SCARB1: variants seen among roughly 807,000 people sequenced by gnomAD.
The protein encoded by SCARB1 is scavenger receptor class B member 1, also known as CD36 and LIMPII analogous 1.
In SCARB1, 30 loss-of-function variants were observed where a neutral mutation model predicts 57.2. The ratio of observed to expected loss-of-function variants is 0.52; its 90% CI spans 0.39 to 0.71. The LOEUF (loss-of-function observed/expected upper bound fraction) is 0.71. Ranked by LOEUF, SCARB1 falls within the 30% of genes least tolerant of loss-of-function variation. SCARB1 has a pLI of 0.00. For synonymous variants in SCARB1, 249 were observed against 268.3 expected (o/e 0.93, Z 0.70); for missense variants, 543 against 671.2 (o/e 0.81, Z 2.11).
intron 1 of SCARB1, among the ~76,000 whole-genome samples, chr12:124,846,385 A>G (rs1952154340): frequency 1.3e-5 from 2 of 152,166 alleles, no homozygotes; most frequent in South Asian, 4.1e-4. Flanking sequence ...ATTCAGGCAC[A>G]TGTCCCTTGC....
intron 1 of SCARB1, among the ~76,000 whole-genome samples, chr12:124,858,706 C>T (rs972570693): frequency 4.0e-5 from 6 of 151,882 alleles, no homozygotes; most frequent in Admixed American, 2.0e-4. Context: ...AGTGAAACCC[C>T]GTCTCCACTA....
intron 1 of SCARB1, among the ~76,000 whole-genome samples, chr12:124,837,458 GGAAA>G (rs750904329): frequency 0.048 from 2,842 of 59,814 alleles, 108 homozygotes; most frequent in Admixed American, 0.072. Flanking sequence ...AAAGAAAGAA[GGAAA>G]GAAAGAAAGA....
intron 4 of SCARB1, among the ~76,000 whole-genome samples, chr12:124,813,066 C>G (rs1950580070): frequency 6.6e-6 from 1 of 152,206 alleles, no homozygotes; most frequent in Non-Finnish European, 1.5e-5. Context: ...AGCCCAATCT[C>G]TCCTTACTCT....
chr12:124,842,789 T>C (rs1031273444), intron 1 of SCARB1, among the ~76,000 whole-genome samples: 41 of 152,314 alleles, frequency 2.7e-4, no homozygotes, highest in African/African-American at 9.9e-4. Context: ...CCCTGTCCTT[T>C]ACAAGGTCCT....
intron 8 of SCARB1, among the ~76,000 whole-genome samples, 159 bp from the exon 9 acceptor site, chr12:124,795,427 G>GT (rs1460738002): frequency 6.6e-6 from 1 of 152,106 alleles, no homozygotes; most frequent in Non-Finnish European, 1.5e-5. Flanking sequence ...AGGCTGGGGG[G>GT]GGTCAACAGT....
chr12:124,863,565 C>T, intron 1 of SCARB1, 30 bp downstream of exon 1: 1 of 1,592,686 alleles, frequency 6.3e-7, no homozygotes, highest in Non-Finnish European at 8.5e-7. Flanking sequence ...CGGGTCCGTG[C>T]GCGGACCCCC....
chr12:124,821,284 A>G, intron 1 of SCARB1: 5 of 621,726 alleles, frequency 8.0e-6, no homozygotes, highest in Non-Finnish European at 8.0e-6. Context: ...ACACACACAC[A>G]CGCAGCCTCA....
chr12:124,844,674 G>A (rs530261352), intron 1 of SCARB1, among the ~76,000 whole-genome samples: 8 of 152,264 alleles, frequency 5.3e-5, no homozygotes, highest in African/African-American at 1.9e-4. Flanking sequence ...AGAAGGTGGC[G>A]TCTATGAGGC....
chr12:124,826,692 T>C (rs1384331524), intron 1 of SCARB1, among the ~76,000 whole-genome samples: 2 of 151,950 alleles, frequency 1.3e-5, no homozygotes, highest in African/African-American at 2.4e-5. Context: ...ACTCCTGAGC[T>C]CAAGAGATCC....
At chr12:124,853,079 A>G (rs1222005047) in intron 1 of SCARB1, among the ~76,000 whole-genome samples, 2 of 152,178 alleles carry the variant, frequency 1.3e-5, no homozygotes, top group East Asian at 3.9e-4. Context: ...GGGGTGGGCA[A>G]TCACGGGGTG....
intron 9 of SCARB1, among the ~76,000 whole-genome samples, chr12:124,793,424 G>T (rs2135570380): frequency 0.013 from 2 of 160 alleles, no homozygotes; most frequent in South Asian, 0.25. Flanking sequence ...GCCGGGCGCG[G>T]TGCTCACGCC....
rs540708941 is a variant in SCARB1 at position 124,836,804 on chromosome 12, G to GAAATA, written c.127-19102_127-19098dup. On this transcript the variant is annotated intron_variant, in intron 1 of 12. Transcript: ENST00000261693. ...GCAAGACCCTGTCTCAAAATAAAAT[G>GAAATA]AAATAAAATAAAATAGAATAAAGCT... Among the ~76,000 whole-genome samples the GAAATA allele has an allele frequency of 3.3e-4, 50 of 152,234 alleles. No homozygotes were observed. The Middle Eastern group carries it at 0.01, about 31-fold the overall frequency.
chr12:124,819,706 C>T (rs1009199642), intron 1 of SCARB1, among the ~76,000 whole-genome samples: 4 of 152,256 alleles, frequency 2.6e-5, no homozygotes, highest in African/African-American at 7.2e-5. Flanking sequence ...TTGAACATGG[C>T]CTTCTAAGAC....
intron 1 of SCARB1, among the ~76,000 whole-genome samples, chr12:124,824,162 C>A (rs751679858): frequency 7.6e-6 from 1 of 131,880 alleles, no homozygotes; most frequent in African/African-American, 2.9e-5. Flanking sequence ...GGTAACAGAC[C>A]GAGATTTCAT....
chr12:124,777,251 G>A lies in SCARB1; in HGVS notation c.*1336C>T, dbSNP rs838881. Reference sequence around the variant, plus strand: ...TTCTCTTCTTCACCATTTATGTAACGAGCAGAAAGCAAAGGCCTAGAACAA... The same window carrying A: ...TTCTCTTCTTCACCATTTATGTAACAAGCAGAAAGCAAAGGCCTAGAACAA... On this transcript the variant is annotated 3_prime_UTR_variant, in exon 13 of 13. Coordinates refer to ENST00000261693, the MANE Select transcript of SCARB1 (RefSeq NM_005505.5). 91,567 of 151,838 alleles carry A rather than the reference G, an allele frequency of 0.6. 29,347 individuals are homozygous for A. Among genetic ancestry groups the A allele is most frequent in the East Asian group, 0.85 (4,393 of 5,172 alleles). 9.4% of individuals were successfully genotyped at this position (151,838 alleles called of 1,614,324 possible).
chr12:124,862,820 G>A (rs575893882), intron 1 of SCARB1, among the ~76,000 whole-genome samples: 21 of 152,310 alleles, frequency 1.4e-4, no homozygotes, highest in Middle Eastern at 6.8e-3. Context: ...CTGTCCGTCT[G>A]CAGACCAGCT....
At chr12:124,835,153 G>T (rs1341295873) in intron 1 of SCARB1, among the ~76,000 whole-genome samples, 1 of 152,196 alleles carries the variant, frequency 6.6e-6, no homozygotes, top group Admixed American at 6.5e-5. Flanking sequence ...GAACAATGTG[G>T]AAAAGGGGAA....
intron 1 of SCARB1, among the ~76,000 whole-genome samples, chr12:124,852,002 C>A (rs1460319637): frequency 6.6e-6 from 1 of 152,094 alleles, no homozygotes; most frequent in Non-Finnish European, 1.5e-5. Context: ...GAAACACTCC[C>A]AGCCCCAGCC....
intron 1 of SCARB1, among the ~76,000 whole-genome samples, chr12:124,856,512 G>A (rs1244113350): frequency 6.6e-6 from 1 of 152,248 alleles, no homozygotes; most frequent in Non-Finnish European, 1.5e-5. Flanking sequence ...TTCAGCCGTC[G>A]CCAGGGAGTA....
Sources: gnomAD v4.1 joint callset for allele counts (sites outside exome capture counted in the v4.1 genomes callset) on GRCh38, gnomAD v4.1.1 for gene constraint, MANE v1.5 for transcripts, NCBI Gene and HGNC (gene_info 2026-07-23, HGNC 2026-07-21) for gene names.